CELSR1: variants seen among roughly 807,000 people sequenced by gnomAD.
CELSR1 encodes the protein cadherin EGF LAG seven-pass G-type receptor 1, also known as adhesion G protein-coupled receptor C1.
Under a neutral mutation model 249.1 loss-of-function variants are expected in CELSR1, and 110 were observed. The ratio of observed to expected loss-of-function variants is 0.44; its 90% CI spans 0.38 to 0.52. CELSR1 has a LOEUF of 0.52. CELSR1 is among the 20% of genes least tolerant of loss of function. CELSR1 has a pLI of 0.00. For synonymous variants in CELSR1, 2,113 were observed against 1,900.0 expected (o/e 1.11, Z -2.92); for missense variants, 4,109 against 4,296.4 (o/e 0.96, Z 1.22).
At chr22:46,367,915 CCTCT>C in intron 27 of CELSR1, 60 bp from the exon 28 acceptor site, 1 of 1,540,412 alleles carries the variant, frequency 6.5e-7, no homozygotes, top group Non-Finnish European at 8.8e-7. Context: ...TTCCTCCCTC[CCTCT>C]CTGCACGTCC....
Position 46,406,929 on chromosome 22 carries a change from C to CT in CELSR1, c.5226+2066_5226+2067insA, listed in dbSNP as rs1569140344. On this transcript the variant is annotated intron_variant, in intron 9 of 34. Transcript: ENST00000674500. The surrounding 1 kb of genome is among the most constrained non-coding windows in gnomAD (Gnocchi z 5.4). ...GCAAAGGCAATAAGGCATGGCTCCG[C>CT]CACGGCACACAGCTGATGGCGGAGG... Among the ~76,000 whole-genome samples the CT allele has an allele frequency of 6.6e-6, 1 of 152,244 alleles. No homozygotes were observed. Among genetic ancestry groups the CT allele is most frequent in the Non-Finnish European group, 1.5e-5 (1 of 68,038 alleles).
chr22:46,528,987 C>G (rs1017559956), intron 1 of CELSR1, among the ~76,000 whole-genome samples: 2 of 150,270 alleles, frequency 1.3e-5, no homozygotes, highest in African/African-American at 2.5e-5. Flanking sequence ...GATCCTGGGC[C>G]GGGCACAGTG....
Position 46,369,109 on chromosome 22 carries a change from G to A in CELSR1, c.7952+70C>T, listed in dbSNP as rs551469838. On this transcript the variant is annotated intron_variant, in intron 27 of 34. Transcript: ENST00000674500. ...ACACGCTCTCATGGGGCCCCACCCC[G>A]CAGAGACTGGACGTCGGGGTCTCAG... 364 of 1,499,578 alleles carry A rather than the reference G, an allele frequency of 2.4e-4. 1 individual carries two copies. Among genetic ancestry groups the A allele is most frequent in the Admixed American group, 5.5e-4 (33 of 59,478 alleles). 92.9% of individuals were successfully genotyped at this position (1,499,578 alleles called of 1,614,324 possible).
In CELSR1 at chr22:46,436,399, A is replaced by T; in HGVS notation, c.4407-110T>A. 1 of 693,590 alleles carries T rather than the reference A, an allele frequency of 1.4e-6. No homozygotes were observed. The highest frequency in any genetic ancestry group is 2.5e-6 in the Non-Finnish European group (1 of 394,084). The allele number at this position is 693,590 out of a possible 1,614,324, so 43.0% of individuals were successfully genotyped here. The stretch of plus-strand genomic sequence containing the variant: ...GGGCAAGCACGTGGGGCTACGATTC[A>T]GGAAAGAATGGTGTCAGGCATGCGT... On this transcript the variant is annotated intron_variant, in intron 3 of 34. Transcript: ENST00000674500. The surrounding 1 kb of genome is among the most constrained non-coding windows in gnomAD (Gnocchi z 5.9).
At position 46,436,174 on chromosome 22, in the gene CELSR1, C is replaced by T; in HGVS notation, c.4522G>A (p.Gly1508Ser). 5 of 1,613,340 alleles carry T rather than the reference C, an allele frequency of 3.1e-6. No individual in the cohort carries two copies. Among genetic ancestry groups the T allele is most frequent in the Non-Finnish European group, 3.4e-6 (4 of 1,179,434 alleles). Reference protein sequence around the residue: ...DEQVQLTFSAGETTTTVAPKV... With the variant: ...DEQVQLTFSASETTTTVAPKV... ...GCCCTTCCTGGGGAGAAGGCCCCAC[C>T]TGCAGAGAAGGTGAGCTGCACCTGC... Residue 1508 changes from glycine to serine, a missense_variant and splice_region_variant, in exon 4 of 35, where the codon GGC becomes AGC. Transcript: ENST00000674500. The surrounding 1 kb of genome is among the most constrained non-coding windows in gnomAD (Gnocchi z 5.9).
At position 46,407,753 on chromosome 22, in the gene CELSR1, C is replaced by T. The variant is rs1022628178; in HGVS notation, c.5226+1243G>A. Among the ~76,000 whole-genome samples, 1 of 152,216 alleles carries T rather than the reference C, an allele frequency of 6.6e-6. No individual in the cohort carries two copies. Among genetic ancestry groups the T allele is most frequent in the Admixed American group, 6.5e-5 (1 of 15,286 alleles). On this transcript the variant is annotated intron_variant, in intron 9 of 34. Coordinates refer to ENST00000674500, the MANE Select transcript of CELSR1 (RefSeq NM_001378328.1). This position sits in a 1 kb window ranked among gnomAD's most constrained non-coding sequence, Gnocchi z 4.8. ...AGGCACGGCTCCCACAGGCCACTCC[C>T]GTGCCAGGGGATGAGAATTAGGCCT...
In CELSR1 at chr22:46,409,955, G is replaced by A; in HGVS notation, c.4934-75C>T. Reference sequence around the variant, plus strand: ...GGTCCCCGGCGCCAGACGTGGCGTGGGAAACCAGGACGGAATGGACCCGGG... The same window carrying A: ...GGTCCCCGGCGCCAGACGTGGCGTGAGAAACCAGGACGGAATGGACCCGGG... On this transcript the variant is annotated intron_variant, in intron 7 of 34. Coordinates refer to ENST00000674500, the MANE Select transcript of CELSR1 (RefSeq NM_001378328.1). The surrounding 1 kb of genome is among the most constrained non-coding windows in gnomAD (Gnocchi z 9.8). 4 of 1,587,660 alleles carry A rather than the reference G, an allele frequency of 2.5e-6. No homozygotes were observed. The Middle Eastern group carries it at 5.0e-4, about 199-fold the overall frequency.
At position 46,364,610 on chromosome 22, in the gene CELSR1, C is replaced by G; in HGVS notation, c.8681G>C (p.Arg2894Pro). The G allele has an allele frequency of 6.2e-7, 1 of 1,612,696 alleles. No individual in the cohort carries two copies. Reference protein sequence around the residue: ...VETKVSVELHREEQGSHRGEY... With the variant: ...VETKVSVELHPEEQGSHRGEY... ...TCCACGGTGACTGCCCTGCTCCTCG[C>G]GGTGCAGCTCCACGCTGACCTTGGT... Residue 2894 changes from arginine (R) to proline (P), a missense_variant, in exon 33 of 35, where the codon CGC becomes CCC. Physicochemically the swap from Arg to Pro is moderately radical, Grantham distance 103 (BLOSUM62 -2). Around this residue, in one of 7 missense-constraint regions of CELSR1, gnomAD observed 1,805 missense variants for 1,831.6 expected, o/e 0.99. Transcript: ENST00000674500.
rs756817088 is a variant in CELSR1, at chr22:46,380,864, C to T, written c.7180G>A (p.Val2394Ile). 18 of 1,612,700 alleles carry T rather than the reference C, an allele frequency of 1.1e-5. No homozygotes were observed. The highest frequency in any genetic ancestry group is 3.3e-5 in the South Asian group (3 of 91,070). Residue 2394 changes from valine (V) to isoleucine (I), a missense_variant, in exon 22 of 35, where the codon GTC becomes ATC. Physicochemically the swap from Val to Ile is conservative, Grantham distance 29. This residue lies in a region of CELSR1 where 1,805 missense variants were observed against 1,831.6 expected (regional missense o/e 0.99). Transcript: ENST00000674500. The surrounding 1 kb of genome is among the most constrained non-coding windows in gnomAD (Gnocchi z 5.1). ...APLPRPLERP[V>I]LVEFALLEVE... ...TCCAGCAGGGCGAACTCCACCAGGA[C>T]GGGCCTCTCCAGGGGTCTCGGGAGC...
chr22:46,373,691 AGAAGGGGGAGATGGGGGAGAT>A (rs1569111412), intron 24 of CELSR1, among the ~76,000 whole-genome samples: 8 of 79,690 alleles, frequency 1.0e-4, no homozygotes, highest in Non-Finnish European at 2.0e-4. Flanking sequence ...GAGATGGGGG[AGAAGGGGGAGATGGGGGAGAT>A]GGGGGAGATG....
chr22:46,370,396 G>C (rs2078839075), intron 25 of CELSR1, among the ~76,000 whole-genome samples: 1 of 151,778 alleles, frequency 6.6e-6, no homozygotes, highest in Non-Finnish European at 1.5e-5. Flanking sequence ...ACACCACAGA[G>C]GCACACACCA....
chr22:46,479,775 A>G (rs2080248005), intron 1 of CELSR1, among the ~76,000 whole-genome samples: 1 of 152,216 alleles, frequency 6.6e-6, no homozygotes, highest in African/African-American at 2.4e-5. Flanking sequence ...TATCAAAACA[A>G]TAAGGTGCCA....
rs1370716931 is a variant in CELSR1 at position 46,535,433 on chromosome 22, G to A, written c.1738C>T (p.Leu580=). 2 of 1,608,074 alleles carry A rather than the reference G, an allele frequency of 1.2e-6. No individual in the cohort carries two copies. Among genetic ancestry groups the A allele is most frequent in the African/African-American group, 1.3e-5 (1 of 74,878 alleles). Residue 580 remains leucine, a synonymous_variant, in exon 1 of 35, where the codon CTG becomes TTG. Transcript: ENST00000674500. The part of the protein sequence containing the change: ...FQATVLENVP[L]GYPVVHIQAV... ...TGAATGTGCACCACGGGGTAGCCCA[G>A]GGGCACATTCTCCAGCACCGTGGCC...
At chr22:46,378,990 C>A (rs1602046232) in intron 22 of CELSR1, among the ~76,000 whole-genome samples, 1 of 152,348 alleles carries the variant, frequency 6.6e-6, no homozygotes, top group South Asian at 2.1e-4. Context: ...TCTCCCTTCC[C>A]TTCTGTGTCT....
At position 46,536,229 on chromosome 22, in the gene CELSR1, C is replaced by T. The variant is rs202095860; in HGVS notation, c.942G>A (p.Glu314=). 1.5e-4 allele frequency: 234 copies of T among 1,612,570 alleles called. 1 individual carries two copies. In the South Asian group the frequency reaches 2.1e-3, roughly 14 times the overall value. ...AVSTDSVLDR[E]TKETHVLRVK... ...CCCTGAGGACGTGCGTCTCCTTGGT[C>T]TCGCGGTCCAGTACGCTGTCCGTGC... The change falls in exon 1 of 35, where the codon GAG becomes GAA. Residue 314 remains glutamate (E), a synonymous_variant. Coordinates refer to ENST00000674500, the MANE Select transcript of CELSR1 (RefSeq NM_001378328.1).
rs867969374 is a variant in CELSR1, at chr22:46,409,284, G to A, written c.5060-122C>T. ...GGGCCTTTTTCACTTTAACACGAAG[G>A]TGGGTCTGAGCCTCCCCTCTGTGAC... On this transcript the variant is annotated intron_variant, in intron 8 of 34. Transcript: ENST00000674500. This position sits in a 1 kb window ranked among gnomAD's most constrained non-coding sequence, Gnocchi z 9.8. 1 of 995,978 alleles carries A rather than the reference G, an allele frequency of 1.0e-6. No individual in the cohort carries two copies. The highest frequency in any genetic ancestry group is 1.4e-6 in the Non-Finnish European group (1 of 691,188). 61.7% of individuals were successfully genotyped at this position (995,978 alleles called of 1,614,324 possible).
chr22:46,439,471 C>A (rs982213952), intron 2 of CELSR1, 60 bp from the exon 3 acceptor site: 1 of 1,439,358 alleles, frequency 6.9e-7, no homozygotes, highest in Non-Finnish European at 9.4e-7. Flanking sequence ...GAAAAGCCAA[C>A]GAGCCTGTCG....
At chr22:46,449,851 C>T (rs533410887) in intron 2 of CELSR1, among the ~76,000 whole-genome samples, 130 of 152,260 alleles carry the variant, frequency 8.5e-4, no homozygotes, top group African/African-American at 2.5e-3. Context: ...TAAGGCTCCT[C>T]GCCAAGCCCT....
chr22:46,481,268 A>G, intron 1 of CELSR1: 1 of 427,262 alleles, frequency 2.3e-6, no homozygotes, highest in Non-Finnish European at 4.3e-6. Flanking sequence ...TAAAATTCCC[A>G]ATTCCTTATA....
Sources: allele counts gnomAD v4.1 joint callset (sites outside exome capture counted in the v4.1 genomes callset), GRCh38; gene constraint gnomAD v4.1.1; regional missense constraint gnomAD v4.1.1; non-coding constraint Gnocchi (gnomAD v3.1); transcripts MANE v1.5; gene names NCBI Gene and HGNC (gene_info 2026-07-23, HGNC 2026-07-21).